Variants in ITPK1 observed in about 807,000 individuals in gnomAD.
The protein encoded by ITPK1 is inositol-tetrakisphosphate 1-kinase.
In ITPK1, 21 loss-of-function variants were observed where a neutral mutation model predicts 45.3. That is an observed-to-expected ratio of 0.46 (90% CI 0.33 to 0.67). The LOEUF (loss-of-function observed/expected upper bound fraction) is 0.67. Among genes scored for constraint, ITPK1 ranks in the 30% least tolerant of loss-of-function variants. The pLI is 0.02. For missense variants in ITPK1, 474 were observed against 573.5 expected (o/e 0.83, Z 1.77); for synonymous variants, 258 against 253.6 (o/e 1.02, Z -0.16).
At chr14:93,053,716 A>AG (rs1437142623) in intron 3 of ITPK1, among the ~76,000 whole-genome samples, 2 of 152,160 alleles carry the variant, frequency 1.3e-5, no homozygotes, top group Non-Finnish European at 2.9e-5. Flanking sequence ...GTTGACAGTA[A>AG]GGGGGGCTGC....
rs539526737 is a variant in ITPK1 at position 92,975,080 on chromosome 14, G to A, written c.365-12231C>T. ...GTTGCGAGGGGGCAAGGGAGAACTC[G>A]GGAGGTGTGACCTGTAAAGCCCAGC... On this transcript the variant is annotated intron_variant, in intron 5 of 10. Transcript: ENST00000267615. 6.6e-5 allele frequency among the ~76,000 whole-genome samples: 10 copies of A among 152,336 alleles called. No homozygotes were observed. The South Asian group carries it at 1.2e-3, about 19-fold the overall frequency.
chr14:92,949,884 G>A (rs1187775198), intron 9 of ITPK1, among the ~76,000 whole-genome samples: 1 of 152,204 alleles, frequency 6.6e-6, no homozygotes, highest in Non-Finnish European at 1.5e-5. Context: ...GGAAAGCAAG[G>A]AGGTGACAGA....
At chr14:92,974,112 C>T (rs1885803727) in intron 5 of ITPK1, among the ~76,000 whole-genome samples, 1 of 152,192 alleles carries the variant, frequency 6.6e-6, no homozygotes, top group Non-Finnish European at 1.5e-5. Flanking sequence ...TCCCTAACAC[C>T]TCCGAACTGT....
intron 3 of ITPK1, among the ~76,000 whole-genome samples, chr14:93,030,775 T>C (rs1277072172): frequency 1.3e-5 from 2 of 152,092 alleles, no homozygotes; most frequent in Admixed American, 6.5e-5. Flanking sequence ...CGTGACCTGG[T>C]TAGGAAATGG....
At chr14:92,974,569 C>A (rs1282355712) in intron 5 of ITPK1, among the ~76,000 whole-genome samples, 1 of 152,210 alleles carries the variant, frequency 6.6e-6, no homozygotes, top group Non-Finnish European at 1.5e-5. Context: ...CACAGAGCTA[C>A]GAGCCCAGGT....
Position 92,941,259 on chromosome 14 carries a change from A to G in ITPK1, c.*302T>C. ...ACACTGGCATGGCAGCCATACGCAC[A>G]CCCCTCACCTCCCATCCAGACCTAG... On this transcript the variant is annotated 3_prime_UTR_variant, in exon 11 of 11. Coordinates refer to ENST00000267615, the MANE Select transcript of ITPK1 (RefSeq NM_014216.6). 1.5e-6 allele frequency: 2 copies of G among 1,364,560 alleles called. No individual in the cohort carries two copies. Among genetic ancestry groups the G allele is most frequent in the Admixed American group, 6.8e-5 (2 of 29,620 alleles). The allele number at this position is 1,364,560 out of a possible 1,614,324, so 84.5% of individuals were successfully genotyped here.
At chr14:92,993,566 G>C (rs1426290573) in intron 5 of ITPK1, among the ~76,000 whole-genome samples, 3 of 152,156 alleles carry the variant, frequency 2.0e-5, no homozygotes, top group African/African-American at 7.2e-5. Context: ...CCACTGAGCT[G>C]TCTACACACA....
chr14:92,939,573 C>T lies in ITPK1; in HGVS notation c.*1988G>A, dbSNP rs964397186. On this transcript the variant is annotated 3_prime_UTR_variant, in exon 11 of 11. Transcript: ENST00000267615. ...TCTCCACTCTTGGAAAATGCAGCTG[C>T]CCTGCACACCCACAGCCCCGCCCCC... 1.9e-6 allele frequency: 1 copy of T among 512,882 alleles called. No homozygotes were observed. Among genetic ancestry groups the T allele is most frequent in the Non-Finnish European group, 2.5e-6 (1 of 398,166 alleles). The allele number at this position is 512,882 out of a possible 1,614,324, so 31.8% of individuals were successfully genotyped here. A position where few individuals can be genotyped will look rare whatever the true frequency, so the allele number is the denominator to read the frequency against.
At chr14:92,953,244 C>T (rs1238500561) in intron 8 of ITPK1, among the ~76,000 whole-genome samples, 1 of 152,268 alleles carries the variant, frequency 6.6e-6, no homozygotes, top group Non-Finnish European at 1.5e-5. Flanking sequence ...CTGAGATGTA[C>T]CCGGCGTCCC....
In ITPK1 at chr14:93,016,886, T is replaced by A; in HGVS notation, c.121-85A>T. On this transcript the variant is annotated intron_variant, in intron 3 of 10. Coordinates refer to ENST00000267615, the MANE Select transcript of ITPK1 (RefSeq NM_014216.6). This position sits in a 1 kb window ranked among gnomAD's most constrained non-coding sequence, Gnocchi z 5.0. ...ATCCTCTTGTCCACCCTGGGGCATA[T>A]CACCAGAGGACCCTCGAGCCTCCCT... 6.4e-7 allele frequency: 1 copy of A among 1,559,638 alleles called. No homozygotes were observed. Among genetic ancestry groups the A allele is most frequent in the Non-Finnish European group, 8.7e-7 (1 of 1,148,448 alleles).
At chr14:92,974,676 G>C (rs1012300083) in intron 5 of ITPK1, among the ~76,000 whole-genome samples, 2 of 152,242 alleles carry the variant, frequency 1.3e-5, no homozygotes, top group African/African-American at 4.8e-5. Context: ...AGGTGCCCTC[G>C]TGGGACAAGG....
intron 3 of ITPK1, among the ~76,000 whole-genome samples, chr14:93,023,162 G>C (rs1457608528): frequency 1.3e-5 from 2 of 152,212 alleles, no homozygotes; most frequent in African/African-American, 4.8e-5. Flanking sequence ...TTACAGGTGT[G>C]AGCCACCGCA....
chr14:93,055,771 C>T (rs750065218), intron 3 of ITPK1, among the ~76,000 whole-genome samples: 8 of 152,292 alleles, frequency 5.3e-5, no homozygotes, highest in Admixed American at 1.3e-4. Context: ...AGGTGCCCAG[C>T]GGTCCCTACC....
At chr14:93,046,484 T>C (rs1173260542) in intron 3 of ITPK1, among the ~76,000 whole-genome samples, 1 of 151,664 alleles carries the variant, frequency 6.6e-6, no homozygotes, top group Non-Finnish European at 1.5e-5. Flanking sequence ...ACACACAGGA[T>C]ATGGTGATTG....
intron 4 of ITPK1, among the ~76,000 whole-genome samples, chr14:93,011,271 C>T (rs1326009956): frequency 6.6e-6 from 1 of 152,206 alleles, no homozygotes; most frequent in African/African-American, 2.4e-5. Flanking sequence ...TGGTGCAAGC[C>T]CAGCTAAGCC....
chr14:93,044,598 C>T (rs775760489), intron 3 of ITPK1, among the ~76,000 whole-genome samples: 3 of 152,214 alleles, frequency 2.0e-5, no homozygotes, highest in South Asian at 2.1e-4. Flanking sequence ...GCCAGCCATG[C>T]AAGCCCCTGG....
chr14:92,951,802 C>A, intron 9 of ITPK1, 144 bp downstream of exon 9: 2 of 659,468 alleles, frequency 3.0e-6, no homozygotes, highest in Non-Finnish European at 2.7e-6. Context: ...CTGGAACCTC[C>A]TGGGGCCTGT....
chr14:93,099,142 T>C (rs1456491652), intron 2 of ITPK1, among the ~76,000 whole-genome samples: 7 of 152,130 alleles, frequency 4.6e-5, no homozygotes, highest in Non-Finnish European at 8.8e-5. Context: ...CTCCCCGCAG[T>C]TCCACCAGGC....
rs1889206743 is a variant in ITPK1, at chr14:93,034,210, T to G, written c.121-17409A>C. Among the ~76,000 whole-genome samples the G allele has an allele frequency of 6.7e-6, 1 of 149,644 alleles. No individual in the cohort carries two copies. The highest frequency in any genetic ancestry group is 1.5e-5 in the Non-Finnish European group (1 of 67,282). On this transcript the variant is annotated intron_variant, in intron 3 of 10. Coordinates refer to ENST00000267615, the MANE Select transcript of ITPK1 (RefSeq NM_014216.6). The surrounding 1 kb of genome is among the most constrained non-coding windows in gnomAD (Gnocchi z 4.1). The stretch of plus-strand genomic sequence containing the variant: ...CAGCACACTGAACTGGGAGGTGGCT[T>G]CAGCCACACAGCACCTGCAGCAGCC...
Sources: gnomAD v4.1 joint callset for allele counts (sites outside exome capture counted in the v4.1 genomes callset) on GRCh38, gnomAD v4.1.1 for gene constraint, Gnocchi (gnomAD v3.1) non-coding constraint, MANE v1.5 for transcripts, NCBI Gene and HGNC (gene_info 2026-07-23, HGNC 2026-07-21) for gene names.